The following DHRSX variants were observed in gnomAD, a reference collection of about 807,000 sequenced individuals.
DHRSX encodes dehydrogenase/reductase X-linked.
DHRSX carries 31 observed loss-of-function variants against 34.0 expected under a neutral mutation model. That is an observed-to-expected ratio of 0.91 (90% CI 0.69 to 1.23). The LOEUF is 1.23. Among genes scored for constraint, DHRSX ranks in the 50% most tolerant of loss-of-function variants. DHRSX has a pLI of 0.00. For synonymous variants in DHRSX, 201 were observed against 183.8 expected (o/e 1.09, Z -0.76); for missense variants, 414 against 428.1 (o/e 0.97, Z 0.29).
intron 2 of DHRSX, among the ~76,000 whole-genome samples, chrX:2,418,184 A>T (rs184734390): frequency 6.6e-6 from 1 of 152,290 alleles, no homozygotes; most frequent in Non-Finnish European, 1.5e-5. Flanking sequence ...ACTAGACTTC[A>T]TTAAGACCTA....
intron 3 of DHRSX, among the ~76,000 whole-genome samples, chrX:2,393,550 TCTCCG>T (rs2043363840): frequency 7.4e-5 from 11 of 148,504 alleles, no homozygotes; most frequent in African/African-American, 2.8e-4. Flanking sequence ...GACCTCCCTG[TCTCCG>T]GCGCACACAG....
intron 4 of DHRSX, among the ~76,000 whole-genome samples, chrX:2,286,827 A>T (rs182782189): frequency 2.5e-4 from 38 of 152,328 alleles, no homozygotes; most frequent in Admixed American, 1.4e-3. Context: ...CTCTTGAAAG[A>T]TGTAGAACAA....
intron 3 of DHRSX, among the ~76,000 whole-genome samples, chrX:2,355,042 G>A (rs2042831960): frequency 6.6e-6 from 1 of 152,152 alleles, no homozygotes; most frequent in African/African-American, 2.4e-5. Flanking sequence ...AGATTTATGT[G>A]GGGCGAGGCA....
intron 1 of DHRSX, among the ~76,000 whole-genome samples, chrX:2,462,622 C>T (rs1183298038): frequency 6.6e-6 from 1 of 152,034 alleles, no homozygotes; most frequent in Non-Finnish European, 1.5e-5. Flanking sequence ...CAGGCAATTT[C>T]CACAAAAGTT....
intron 3 of DHRSX, among the ~76,000 whole-genome samples, chrX:2,331,964 G>A (rs1322327029): frequency 1.3e-5 from 2 of 152,030 alleles, no homozygotes; most frequent in African/African-American, 4.8e-5. Context: ...CTCTCCACCA[G>A]CAATAAGGTT....
chrX:2,431,585 A>T (rs2043923513), intron 1 of DHRSX, among the ~76,000 whole-genome samples: 1 of 152,186 alleles, frequency 6.6e-6, no homozygotes, highest in South Asian at 2.1e-4. Flanking sequence ...ATTAAAAAGA[A>T]TGAAATCATG....
chrX:2,329,255 G>T (rs1414520511), intron 3 of DHRSX, among the ~76,000 whole-genome samples: 1 of 152,028 alleles, frequency 6.6e-6, no homozygotes, highest in Non-Finnish European at 1.5e-5. Flanking sequence ...CCATGACATC[G>T]GTCTACTCAA....
At chrX:2,467,525 G>C (rs184196264) in intron 1 of DHRSX, among the ~76,000 whole-genome samples, 25 of 152,048 alleles carry the variant, frequency 1.6e-4, no homozygotes, top group Admixed American at 1.6e-3. Context: ...ACAGGAGACC[G>C]GACTGAAACA....
chrX:2,295,770 T>G (rs1449118705), intron 3 of DHRSX, among the ~76,000 whole-genome samples: 1 of 152,198 alleles, frequency 6.6e-6, no homozygotes, highest in East Asian at 1.9e-4. Context: ...TCTTCTGCAG[T>G]AGAATAATAA....
chrX:2,366,026 C>T (rs2042990866), intron 3 of DHRSX, among the ~76,000 whole-genome samples: 1 of 152,162 alleles, frequency 6.6e-6, no homozygotes, highest in African/African-American at 2.4e-5. Flanking sequence ...CAATGTCTTT[C>T]CCGAATGGGA....
At chrX:2,434,308 A>T (rs1460244206) in intron 1 of DHRSX, among the ~76,000 whole-genome samples, 5 of 152,172 alleles carry the variant, frequency 3.3e-5, no homozygotes, top group African/African-American at 9.6e-5. Context: ...AGAAGTTTAC[A>T]TACTCAGTTC....
intron 3 of DHRSX, among the ~76,000 whole-genome samples, chrX:2,306,173 C>A (rs183253335): frequency 3.3e-5 from 5 of 152,130 alleles, no homozygotes; most frequent in Admixed American, 1.3e-4. Context: ...CGGAGTAATA[C>A]AGGCAACCAA....
intron 3 of DHRSX, among the ~76,000 whole-genome samples, chrX:2,389,397 T>A (rs748688553): frequency 6.6e-6 from 1 of 152,088 alleles, no homozygotes; most frequent in Admixed American, 6.6e-5. Flanking sequence ...TGTTTTGTGA[T>A]GAAAGTGATG....
intron 1 of DHRSX, among the ~76,000 whole-genome samples, chrX:2,467,629 G>C (rs1485234424): frequency 1.3e-5 from 1 of 74,338 alleles, no homozygotes; most frequent in Non-Finnish European, 2.5e-5. Context: ...GAAGACTCAT[G>C]TGTCATAGGT....
At chrX:2,439,006 G>A (rs1263549205) in intron 1 of DHRSX, among the ~76,000 whole-genome samples, 14 of 151,940 alleles carry the variant, frequency 9.2e-5, no homozygotes, top group Admixed American at 3.3e-4. Context: ...TTAGCCCAGC[G>A]TGGTGGCTGG....
intron 4 of DHRSX, among the ~76,000 whole-genome samples, chrX:2,275,343 C>CAAAAAAAAAAA (rs768710073): frequency 7.9e-6 from 1 of 127,318 alleles, no homozygotes; most frequent in Non-Finnish European, 1.7e-5. Context: ...ACTAAAAATA[C>CAAAAAAAAAAA]AAAAAAAAAA....
chrX:2,334,589 G>A (rs1356964636), intron 3 of DHRSX: 2 of 152,032 alleles, frequency 1.3e-5, no homozygotes, highest in African/African-American at 4.8e-5. Flanking sequence ...CAGTAGCTGG[G>A]ACCACATGTA....
intron 3 of DHRSX, among the ~76,000 whole-genome samples, chrX:2,309,860 C>G (rs2042142864): frequency 1.3e-5 from 2 of 152,248 alleles, no homozygotes; most frequent in East Asian, 3.9e-4. Context: ...CTGCAGTGAG[C>G]TATGATTATG....
intron 4 of DHRSX, among the ~76,000 whole-genome samples, chrX:2,276,194 G>C (rs2041641111): frequency 6.6e-6 from 1 of 152,192 alleles, no homozygotes; most frequent in South Asian, 2.1e-4. Flanking sequence ...TGGGCTACAT[G>C]GATACATTCT....
Sources: gnomAD v4.1 joint callset for allele counts (sites outside exome capture counted in the v4.1 genomes callset) on GRCh38, gnomAD v4.1.1 for gene constraint, MANE v1.5 for transcripts, NCBI Gene and HGNC (gene_info 2026-07-23, HGNC 2026-07-21) for gene names.